CAMTA1: variants seen among roughly 807,000 people sequenced by gnomAD.
CAMTA1 encodes the protein calmodulin-binding transcription activator 1.
CAMTA1 carries 27 observed loss-of-function variants against 170.9 expected under a neutral mutation model. The ratio of observed to expected loss-of-function variants is 0.16; its 90% CI spans 0.12 to 0.22. The LOEUF (loss-of-function observed/expected upper bound fraction) is 0.22, where lower values mean the gene tolerates loss of function less well. Ranked by LOEUF, CAMTA1 falls within the 10% of genes least tolerant of loss-of-function variation. The pLI is 1.00. For synonymous variants in CAMTA1, 833 were observed against 891.5 expected (o/e 0.93, Z 1.17); for missense variants, 1,619 against 2,217.2 (o/e 0.73, Z 5.42).
chr1:7,704,542 G>GGGCGCAGTTCC (rs1289749089), intron 11 of CAMTA1, among the ~76,000 whole-genome samples: 4 of 148,212 alleles, frequency 2.7e-5, no homozygotes, highest in Non-Finnish European at 3.0e-5. Flanking sequence ...AGCGCGGCTC[G>GGGCGCAGTTCC]GGCGCAGTTC....
chr1:7,064,777 G>A lies in CAMTA1; in HGVS notation c.235-26527G>A, dbSNP rs1193723873. Among the ~76,000 whole-genome samples the A allele has an allele frequency of 2.0e-5, 3 of 152,126 alleles. No individual in the cohort carries two copies. The highest frequency in any genetic ancestry group is 4.4e-5 in the Non-Finnish European group (3 of 68,024). On this transcript the variant is annotated intron_variant, in intron 3 of 22. Transcript: ENST00000303635. This position sits in a 1 kb window ranked among gnomAD's most constrained non-coding sequence, Gnocchi z 5.4. ...TGGCAGGAGTCCCATTCGGGGCATG[G>A]TGGGGGCTGTAGGAGGACAGAGGAG...
chr1:7,276,303 A>ATAATTTTTTTTTTTT, intron 5 of CAMTA1, among the ~76,000 whole-genome samples: 2 of 24,226 alleles, frequency 8.3e-5, no homozygotes, highest in African/African-American at 6.0e-4. Flanking sequence ...ATATATATAT[A>ATAATTTTTTTTTTTT]TTTTTTTTTT....
chr1:7,401,361 C>A (rs1032376558), intron 5 of CAMTA1, among the ~76,000 whole-genome samples: 7 of 152,144 alleles, frequency 4.6e-5, no homozygotes, highest in Non-Finnish European at 7.4e-5. Context: ...TTGATAACTA[C>A]CCCTTTGCCA....
intron 1 of CAMTA1, among the ~76,000 whole-genome samples, chr1:6,788,158 TCTCC>T (rs111997145): frequency 8.7e-5 from 13 of 150,082 alleles, no homozygotes; most frequent in African/African-American, 2.2e-4. Context: ...CCTCCTCAGG[TCTCC>T]CTCCCTCCCT....
chr1:7,663,552 C>T lies in CAMTA1; in HGVS notation c.1005C>T (p.Leu335=), dbSNP rs776024225. The change falls in exon 9 of 23, where the codon CTC becomes CTT. Residue 335 remains leucine, a synonymous_variant. Transcript: ENST00000303635. ...ACGGCAAGGTGGCCAAGCCCGTGCT[C>T]CTGCACCAGAGCAGCACCGAGGTCT... ...KRNGKVAKPV[L]LHQSSTEVSS... The T allele has an allele frequency of 6.2e-7, 1 of 1,609,616 alleles. No individual in the cohort carries two copies. Among genetic ancestry groups the T allele is most frequent in the East Asian group, 2.2e-5 (1 of 44,696 alleles).
rs998071241 is a variant in CAMTA1, at chr1:7,732,603, C to T, written c.3066+4C>T. The T allele has an allele frequency of 2.5e-6, 4 of 1,591,040 alleles. No homozygotes were observed. Among genetic ancestry groups the T allele is most frequent in the Admixed American group, 1.8e-5 (1 of 56,292 alleles). On this transcript the variant is annotated splice_donor_region_variant and intron_variant, in intron 12 of 22. Coordinates refer to ENST00000303635, the MANE Select transcript of CAMTA1 (RefSeq NM_015215.4). The surrounding 1 kb of genome is among the most constrained non-coding windows in gnomAD (Gnocchi z 4.1). The stretch of plus-strand genomic sequence containing the variant: ...GAATGGAGGGAGCCAGGCACAGGTA[C>T]GAGGCGGTGCTGATGCTCAGCTCCC...
intron 3 of CAMTA1, among the ~76,000 whole-genome samples, chr1:6,889,582 G>T (rs778955683): frequency 6.6e-6 from 1 of 152,200 alleles, no homozygotes; most frequent in African/African-American, 2.4e-5. Flanking sequence ...TTCTAGCACA[G>T]AAGATTAAAT....
intron 5 of CAMTA1, among the ~76,000 whole-genome samples, chr1:7,326,888 C>T (rs1239877613): frequency 6.6e-6 from 1 of 151,984 alleles, no homozygotes; most frequent in East Asian, 1.9e-4. Flanking sequence ...ATAGGAGGTC[C>T]AGGAAAGCAG....
intron 6 of CAMTA1, among the ~76,000 whole-genome samples, chr1:7,493,314 C>CACAAACACGTGCACACACACAA (rs2093763115): frequency 5.0e-5 from 1 of 19,814 alleles, no homozygotes; most frequent in Admixed American, 5.1e-4. Context: ...AATGCGCACA[C>CACAAACACGTGCACACACACAA]AAACAAACCT....
chr1:6,878,165 AG>A (rs751613277), intron 3 of CAMTA1, among the ~76,000 whole-genome samples: 2 of 152,272 alleles, frequency 1.3e-5, no homozygotes, highest in African/African-American at 2.4e-5. Context: ...AGCTGAGAGT[AG>A]CAACATTCAT....
chr1:7,336,091 G>A (rs922339475), intron 5 of CAMTA1, among the ~76,000 whole-genome samples: 1 of 152,222 alleles, frequency 6.6e-6, no homozygotes, highest in Admixed American at 6.5e-5. Flanking sequence ...GCCACCTGGA[G>A]TGGCCGCTCT....
chr1:7,288,578 A>G (rs1672668765), intron 5 of CAMTA1, among the ~76,000 whole-genome samples: 2 of 152,224 alleles, frequency 1.3e-5, no homozygotes, highest in Non-Finnish European at 2.9e-5. Flanking sequence ...AGGACAGGGC[A>G]GTGTGCTGGA....
At chr1:7,410,549 C>CA (rs1475034639) in intron 5 of CAMTA1, among the ~76,000 whole-genome samples, 4 of 152,072 alleles carry the variant, frequency 2.6e-5, no homozygotes, top group African/African-American at 9.7e-5. Flanking sequence ...TAACTCTTTG[C>CA]AAAAAAGGAA....
chr1:7,294,406 T>C (rs1483688093), intron 5 of CAMTA1, among the ~76,000 whole-genome samples: 1 of 152,204 alleles, frequency 6.6e-6, no homozygotes, highest in Non-Finnish European at 1.5e-5. Flanking sequence ...CAGCTCTCAC[T>C]GGCTGCTAGA....
chr1:7,512,125 T>G (rs2094209392), intron 6 of CAMTA1, among the ~76,000 whole-genome samples: 1 of 150,876 alleles, frequency 6.6e-6, no homozygotes, highest in African/African-American at 2.5e-5. Flanking sequence ...TTTCATTCAT[T>G]CATTCTTTCA....
intron 5 of CAMTA1, among the ~76,000 whole-genome samples, chr1:7,270,623 A>G (rs1049193518): frequency 1.3e-5 from 2 of 152,156 alleles, no homozygotes; most frequent in Non-Finnish European, 2.9e-5. Flanking sequence ...GAAGTTCTTC[A>G]GGCTGATAGA....
chr1:7,593,126 A>G (rs927795216), intron 6 of CAMTA1, among the ~76,000 whole-genome samples: 25 of 152,240 alleles, frequency 1.6e-4, no homozygotes, highest in African/African-American at 6.0e-4. Context: ...CAGGCCTGAA[A>G]GCAGCCAGAG....
At chr1:6,845,521 TTAAG>T (rs1657746915) in intron 3 of CAMTA1, among the ~76,000 whole-genome samples, 1 of 152,244 alleles carries the variant, frequency 6.6e-6, no homozygotes, top group Non-Finnish European at 1.5e-5. Context: ...AAAATATACT[TTAAG>T]TGAGTGGACT....
rs564861889 is a variant in CAMTA1, at chr1:7,486,162, G to A, written c.510+18261G>A. Reference sequence around the variant, plus strand: ...CAGTTTGCAGAATGGCCAGATTTTCGTAGGTGTTCAGATTTTGTCCTGCAA... The same window carrying A: ...CAGTTTGCAGAATGGCCAGATTTTCATAGGTGTTCAGATTTTGTCCTGCAA... On this transcript the variant is annotated intron_variant, in intron 6 of 22. Coordinates refer to ENST00000303635, the MANE Select transcript of CAMTA1 (RefSeq NM_015215.4). 3.0e-4 allele frequency among the ~76,000 whole-genome samples: 45 copies of A among 152,304 alleles called. 1 individual carries two copies. Among genetic ancestry groups the A allele is most frequent in the African/African-American group, 9.6e-4 (40 of 41,572 alleles).
Sources: gnomAD v4.1 joint callset for allele counts (sites outside exome capture counted in the v4.1 genomes callset) on GRCh38, gnomAD v4.1.1 for gene constraint, Gnocchi (gnomAD v3.1) non-coding constraint, MANE v1.5 for transcripts, NCBI Gene and HGNC (gene_info 2026-07-23, HGNC 2026-07-21) for gene names.